FSTL5: variants seen among roughly 807,000 people sequenced by gnomAD.
FSTL5 encodes the protein follistatin-related protein 5.
FSTL5 carries 62 observed loss-of-function variants against 89.1 expected under a neutral mutation model. That is an observed-to-expected ratio of 0.70 (90% CI 0.57 to 0.86). The LOEUF is 0.86. Ranked by LOEUF, FSTL5 falls within the 40% of genes least tolerant of loss-of-function variation. The pLI is 0.00. For missense variants in FSTL5, 1,057 were observed against 1,001.6 expected (o/e 1.06, Z -0.75); for synonymous variants, 383 against 346.2 (o/e 1.11, Z -1.18).
intron 7 of FSTL5, among the ~76,000 whole-genome samples, chr4:161,635,903 C>T (rs13149361): frequency 6.6e-6 from 1 of 152,006 alleles, no homozygotes; most frequent in African/African-American, 2.4e-5. Flanking sequence ...CAGTTGCCAA[C>T]AAACATATTT....
At chr4:161,654,357 T>C (rs2126680461) in intron 7 of FSTL5, among the ~76,000 whole-genome samples, 1 of 152,158 alleles carries the variant, frequency 6.6e-6, no homozygotes, top group Non-Finnish European at 1.5e-5. Context: ...CTTAAGAGTA[T>C]GGATGGCAGT....
At position 161,581,863 on chromosome 4, in the gene FSTL5, T is replaced by C. The variant is rs116782479; in HGVS notation, c.1015+5592A>G. Among the ~76,000 whole-genome samples, 1,022 of 152,366 alleles carry C rather than the reference T, an allele frequency of 6.7e-3. 13 individuals are homozygous for C. The highest frequency in any genetic ancestry group is 0.024 in the African/African-American group (982 of 41,596). ...TCACTGTGAATATGGACAAGCTTTCTGCCCAGAGGGGCGTGTAAACAATGA... is the reference window on the plus strand; with the variant it reads ...TCACTGTGAATATGGACAAGCTTTCCGCCCAGAGGGGCGTGTAAACAATGA... On this transcript the variant is annotated intron_variant, in intron 8 of 15. Coordinates refer to ENST00000306100, the MANE Select transcript of FSTL5 (RefSeq NM_020116.5).
intron 3 of FSTL5, among the ~76,000 whole-genome samples, chr4:162,024,711 G>A (rs1385223636): frequency 6.6e-6 from 1 of 151,994 alleles, no homozygotes; most frequent in African/African-American, 2.4e-5. Flanking sequence ...ACCCAGGCTA[G>A]AATGCAGTGG....
At chr4:161,525,523 G>A (rs1731187903) in intron 10 of FSTL5, among the ~76,000 whole-genome samples, 1 of 152,094 alleles carries the variant, frequency 6.6e-6, no homozygotes. Context: ...CCATTTCAAA[G>A]TGTATGCATG....
intron 3 of FSTL5, among the ~76,000 whole-genome samples, chr4:161,941,979 T>G (rs1347976221): frequency 6.6e-6 from 1 of 151,658 alleles, no homozygotes; most frequent in East Asian, 1.9e-4. Context: ...TAGAAATAAA[T>G]AAGAGAAAAA....
intron 6 of FSTL5, among the ~76,000 whole-genome samples, chr4:161,666,857 A>G (rs1429884156): frequency 6.6e-6 from 1 of 152,120 alleles, no homozygotes; most frequent in African/African-American, 2.4e-5. Context: ...GCATTTAGCT[A>G]CTAGGGCAAA....
chr4:161,757,678 GC>G (rs1740625619), intron 6 of FSTL5, among the ~76,000 whole-genome samples: 1 of 152,042 alleles, frequency 6.6e-6, no homozygotes, highest in Admixed American at 6.6e-5. Flanking sequence ...GAGTGCAATT[GC>G]GTGATCTTGG....
intron 13 of FSTL5, among the ~76,000 whole-genome samples, chr4:161,473,236 A>C (rs1017788549): frequency 6.6e-6 from 1 of 152,130 alleles, no homozygotes; most frequent in African/African-American, 2.4e-5. Flanking sequence ...TCAATTATTG[A>C]CAGTGAGGAA....
At chr4:161,489,238 G>T (rs938730452) in intron 12 of FSTL5, among the ~76,000 whole-genome samples, 8 of 152,228 alleles carry the variant, frequency 5.3e-5, no homozygotes, top group Non-Finnish European at 1.0e-4. Flanking sequence ...TACTGTAAAG[G>T]AGCTGAAATC....
intron 4 of FSTL5, among the ~76,000 whole-genome samples, chr4:161,847,762 T>G (rs1731414383): frequency 6.6e-6 from 1 of 151,740 alleles, no homozygotes; most frequent in African/African-American, 2.4e-5. Context: ...CACTGCCAGG[T>G]GCGGTGGCAC....
chr4:161,478,911 T>C lies in FSTL5; in HGVS notation c.1608+2109A>G, dbSNP rs527934084. ...TACAAACAAAATGATCTTGCAATCA[T>C]CATGTAAAGCACAAATAGCCAGATT... On this transcript the variant is annotated intron_variant, in intron 13 of 15. Coordinates refer to ENST00000306100, the MANE Select transcript of FSTL5 (RefSeq NM_020116.5). 1.9e-3 allele frequency among the ~76,000 whole-genome samples: 290 copies of C among 152,192 alleles called. No homozygotes were observed. In the Middle Eastern group the frequency reaches 0.024, roughly 12 times the overall value.
chr4:161,441,430 C>A (rs757084799), intron 15 of FSTL5, among the ~76,000 whole-genome samples: 1 of 151,886 alleles, frequency 6.6e-6, no homozygotes, highest in Non-Finnish European at 1.5e-5. Flanking sequence ...TAATTTATGC[C>A]GAAATATCAG....
chr4:161,875,327 C>A (rs189170191), intron 4 of FSTL5, among the ~76,000 whole-genome samples: 2 of 152,096 alleles, frequency 1.3e-5, no homozygotes, highest in Non-Finnish European at 1.5e-5. Flanking sequence ...AGGCTGATTG[C>A]GGGTAGAGTC....
chr4:161,768,739 T>A (rs543410319), intron 5 of FSTL5, among the ~76,000 whole-genome samples: 10 of 151,364 alleles, frequency 6.6e-5, no homozygotes, highest in Non-Finnish European at 1.5e-4. Flanking sequence ...GTGGAAAAAC[T>A]TTAAATAAAC....
At chr4:161,959,274 C>G (rs577748505) in intron 3 of FSTL5, among the ~76,000 whole-genome samples, 6 of 152,178 alleles carry the variant, frequency 3.9e-5, no homozygotes, top group African/African-American at 1.2e-4. Flanking sequence ...TTATAACTTT[C>G]AAAGACATAT....
chr4:161,387,515 C>T (rs1730686269), intron 15 of FSTL5: 1 of 151,956 alleles, frequency 6.6e-6, no homozygotes, highest in African/African-American at 2.4e-5. Flanking sequence ...CTAATTATCA[C>T]ACATAATTAT....
At chr4:161,455,632 G>A (rs1391054795) in intron 14 of FSTL5, among the ~76,000 whole-genome samples, 20 of 152,012 alleles carry the variant, frequency 1.3e-4, no homozygotes, top group Admixed American at 1.2e-3. Flanking sequence ...ACCGGTTTAC[G>A]TGTTTTAATA....
intron 6 of FSTL5, among the ~76,000 whole-genome samples, chr4:161,736,424 TA>T (rs1481722090): frequency 6.6e-6 from 1 of 152,140 alleles, no homozygotes; most frequent in African/African-American, 2.4e-5. Context: ...ATCTACCACT[TA>T]AGAAGCAGTT....
chr4:161,583,267 C>T (rs1359479788), intron 8 of FSTL5, among the ~76,000 whole-genome samples: 1 of 152,128 alleles, frequency 6.6e-6, no homozygotes, highest in Non-Finnish European at 1.5e-5. Context: ...CCTCCCTCTT[C>T]CTGTTTCCCT....
Sources: gnomAD v4.1 joint callset for allele counts (sites outside exome capture counted in the v4.1 genomes callset) on GRCh38, gnomAD v4.1.1 for gene constraint, MANE v1.5 for transcripts, NCBI Gene and HGNC (gene_info 2026-07-23, HGNC 2026-07-21) for gene names.